The following HSD17B12 variants were observed in gnomAD, a reference collection of about 807,000 sequenced individuals.
The protein encoded by HSD17B12 is hydroxysteroid 17-beta dehydrogenase 12, also known as very-long-chain 3-oxoacyl-CoA reductase.
A neutral mutation model predicts 39.3 loss-of-function variants in HSD17B12; 32 were observed. The ratio of observed to expected loss-of-function variants is 0.81; its 90% CI spans 0.61 to 1.09. HSD17B12 has a LOEUF of 1.09. Among genes scored for constraint, HSD17B12 ranks in the 50% least tolerant of loss-of-function variants. HSD17B12 has a pLI of 0.00. For missense variants in HSD17B12, 342 were observed against 382.9 expected (o/e 0.89, Z 0.89); for synonymous variants, 150 against 146.7 (o/e 1.02, Z -0.16).
chr11:43,620,146 G>T, the HSD17B12 span, among the ~76,000 whole-genome samples: 2 of 152,146 alleles, frequency 1.3e-5, no homozygotes, highest in African/African-American at 4.8e-5. Context: ...TCAAGAGCAG[G>T]CCTCTCAATG....
intron 1 of HSD17B12, among the ~76,000 whole-genome samples, chr11:43,700,296 T>C (rs1389509217): frequency 6.6e-6 from 1 of 152,150 alleles, no homozygotes; most frequent in East Asian, 1.9e-4. Flanking sequence ...AGGCATGCAA[T>C]GAGAAATAAT....
At chr11:43,602,282 A>G in the HSD17B12 span, among the ~76,000 whole-genome samples, 3 of 152,150 alleles carry the variant, frequency 2.0e-5, no homozygotes, top group Non-Finnish European at 1.5e-5. Context: ...CAAAGTTTCT[A>G]CCCCACCCCA....
chr11:43,714,859 C>T (rs1470176634), intron 1 of HSD17B12, among the ~76,000 whole-genome samples: 2 of 152,092 alleles, frequency 1.3e-5, no homozygotes, highest in Non-Finnish European at 2.9e-5. Context: ...AAGTTGGATT[C>T]CTAGGTATTT....
chr11:43,573,940 G>T, the HSD17B12 span, among the ~76,000 whole-genome samples: 1 of 152,178 alleles, frequency 6.6e-6, no homozygotes, highest in African/African-American at 2.4e-5. Flanking sequence ...CATGTGATAA[G>T]TCATCTTCAG....
intron 1 of HSD17B12, among the ~76,000 whole-genome samples, chr11:43,688,012 G>A (rs1949817779): frequency 1.3e-5 from 2 of 152,196 alleles, no homozygotes; most frequent in Non-Finnish European, 2.9e-5. Context: ...AGGAGTTTCA[G>A]ACCAGCCTGG....
intron 1 of HSD17B12, among the ~76,000 whole-genome samples, chr11:43,739,162 G>T (rs967582965): frequency 6.6e-6 from 1 of 152,066 alleles, no homozygotes; most frequent in African/African-American, 2.4e-5. Context: ...TTTTCCCCCT[G>T]GCTTCTTGTC....
chr11:43,647,943 G>A, the HSD17B12 span, among the ~76,000 whole-genome samples: 1 of 152,054 alleles, frequency 6.6e-6, no homozygotes, highest in Non-Finnish European at 1.5e-5. Flanking sequence ...CTTTGTTTTT[G>A]AAGTCAGAGT....
chr11:43,702,021 G>A (rs1464026494), intron 1 of HSD17B12, among the ~76,000 whole-genome samples: 1 of 152,008 alleles, frequency 6.6e-6, no homozygotes, highest in African/African-American at 2.4e-5. Context: ...GTGTTTTATA[G>A]TTTTTATTAT....
the HSD17B12 span, among the ~76,000 whole-genome samples, chr11:43,574,272 G>A: frequency 6.6e-6 from 1 of 152,216 alleles, no homozygotes; most frequent in East Asian, 1.9e-4. Flanking sequence ...TCTCTCCCAG[G>A]CCTTGTGCCC....
At position 43,798,432 on chromosome 11, in the gene HSD17B12, G is replaced by A. The variant is rs747692021; in HGVS notation, c.391+5G>A. On this transcript the variant is annotated splice_donor_5th_base_variant and intron_variant, in intron 4 of 10. Transcript: ENST00000278353. ...GTCTTGAAATCGGCATCTTAGGTTTGTATTTTTGCCACATTTATAGGTTCT... is the reference window on the plus strand; with the variant it reads ...GTCTTGAAATCGGCATCTTAGGTTTATATTTTTGCCACATTTATAGGTTCT... 2.5e-5 allele frequency: 39 copies of A among 1,568,536 alleles called. No homozygotes were observed. Among genetic ancestry groups the A allele is most frequent in the Non-Finnish European group, 2.6e-6 (3 of 1,142,948 alleles).
At chr11:43,576,495 A>G in the HSD17B12 span, 1 of 152,154 alleles carries the variant, frequency 6.6e-6, no homozygotes, top group African/African-American at 2.4e-5. Flanking sequence ...TCCTCCCCCC[A>G]CAACTATGTC....
chr11:43,599,080 T>G, the HSD17B12 span, among the ~76,000 whole-genome samples: 2 of 152,214 alleles, frequency 1.3e-5, no homozygotes, highest in Non-Finnish European at 2.9e-5. Context: ...TCCTTCCGTT[T>G]TATAATATTA....
At chr11:43,845,833 A>G (rs1951470393) in intron 9 of HSD17B12, among the ~76,000 whole-genome samples, 1 of 152,214 alleles carries the variant, frequency 6.6e-6, no homozygotes, top group Non-Finnish European at 1.5e-5. Flanking sequence ...AAAACTGTGC[A>G]AATATTTTGG....
intron 1 of HSD17B12, among the ~76,000 whole-genome samples, chr11:43,705,279 T>C (rs1243884938): frequency 6.6e-6 from 1 of 152,256 alleles, no homozygotes; most frequent in Non-Finnish European, 1.5e-5. Flanking sequence ...GTTTATACTT[T>C]ATAAAACCAA....
chr11:43,590,202 C>G, the HSD17B12 span, among the ~76,000 whole-genome samples: 2 of 151,726 alleles, frequency 1.3e-5, no homozygotes, highest in African/African-American at 4.8e-5. Flanking sequence ...CCAATCTTAC[C>G]AAGATTTTCC....
intron 3 of HSD17B12, among the ~76,000 whole-genome samples, chr11:43,776,587 T>A (rs1037096136): frequency 2.6e-5 from 4 of 152,258 alleles, no homozygotes; most frequent in African/African-American, 7.2e-5. Flanking sequence ...TTTCTTTTGC[T>A]GTGCAGAAGC....
chr11:43,856,392 G>A lies in HSD17B12; in HGVS notation c.*1144G>A, dbSNP rs1182285910. 1 of 151,964 alleles carries A rather than the reference G, an allele frequency of 6.6e-6. No individual in the cohort carries two copies. The highest frequency in any genetic ancestry group is 1.5e-5 in the Non-Finnish European group (1 of 67,998). The allele number at this position is 151,964 out of a possible 1,614,324, so 9.4% of individuals were successfully genotyped here. A position where few individuals can be genotyped will look rare whatever the true frequency, so the allele number is the denominator to read the frequency against. On this transcript the variant is annotated 3_prime_UTR_variant, in exon 11 of 11. Transcript: ENST00000278353. ...CCTAAGCTCTGAGTTTTCAGCACCA[G>A]TAGATTTGTATTAAAAGAAAAAAAA... is the stretch of plus-strand genomic sequence containing the variant.
At chr11:43,703,857 T>G (rs996872263) in intron 1 of HSD17B12, among the ~76,000 whole-genome samples, 8 of 152,202 alleles carry the variant, frequency 5.3e-5, no homozygotes, top group African/African-American at 1.4e-4. Flanking sequence ...AAGAACAACT[T>G]TTTGTTTCAT....
At chr11:43,850,499 A>G (rs1314083719) in intron 9 of HSD17B12, among the ~76,000 whole-genome samples, 5 of 152,078 alleles carry the variant, frequency 3.3e-5, no homozygotes, top group African/African-American at 1.2e-4. Flanking sequence ...CTGGGTCTTC[A>G]TTTTCCCAGG....
Sources: gnomAD v4.1 joint callset for allele counts (sites outside exome capture counted in the v4.1 genomes callset) on GRCh38, gnomAD v4.1.1 for gene constraint, MANE v1.5 for transcripts, NCBI Gene and HGNC (gene_info 2026-07-23, HGNC 2026-07-21) for gene names.